The following RAB38 variants were observed in gnomAD, a reference collection of about 807,000 sequenced individuals.
The protein encoded by RAB38 is ras-related protein Rab-38.
Under a neutral mutation model 18.4 loss-of-function variants are expected in RAB38, and 15 were observed. The ratio of observed to expected loss-of-function variants is 0.82; its 90% CI spans 0.55 to 1.26. The LOEUF (loss-of-function observed/expected upper bound fraction) is 1.26, where lower values mean the gene tolerates loss of function less well. Among genes scored for constraint, RAB38 ranks in the 50% most tolerant of loss-of-function variants. RAB38 has a pLI of 0.00. For synonymous variants in RAB38, 101 were observed against 104.4 expected (o/e 0.97, Z 0.20); for missense variants, 294 against 267.4 (o/e 1.10, Z -0.69).
At chr11:88,080,675 T>A in the RAB38 span, among the ~76,000 whole-genome samples, 1 of 151,984 alleles carries the variant, frequency 6.6e-6, no homozygotes, top group Non-Finnish European at 1.5e-5. Context: ...AGTATGTTTG[T>A]GTACAGATAG....
chr11:88,157,565 T>C (rs1943141199), intron 1 of RAB38, among the ~76,000 whole-genome samples: 1 of 152,090 alleles, frequency 6.6e-6, no homozygotes, highest in South Asian at 2.1e-4. Flanking sequence ...GCACAGAACA[T>C]AGAAAGATTG....
intron 2 of RAB38, among the ~76,000 whole-genome samples, chr11:88,139,581 A>G (rs1461890069): frequency 6.6e-6 from 1 of 152,252 alleles, no homozygotes; most frequent in East Asian, 1.9e-4. Context: ...TATAGTAGGT[A>G]TTCAGAGAAT....
the RAB38 span, among the ~76,000 whole-genome samples, chr11:88,101,473 T>C: frequency 6.6e-6 from 1 of 151,868 alleles, no homozygotes; most frequent in African/African-American, 2.4e-5. Flanking sequence ...ATTTACGCTG[T>C]ATAAAAATAT....
chr11:87,912,400 C>T, the RAB38 span, among the ~76,000 whole-genome samples: 1,353 of 151,994 alleles, frequency 8.9e-3, 9 homozygotes, highest in Non-Finnish European at 0.014. Context: ...TTCAGGTCAC[C>T]TATTTCTTTT....
the RAB38 span, among the ~76,000 whole-genome samples, chr11:87,844,813 T>C: frequency 6.6e-6 from 1 of 152,150 alleles, no homozygotes; most frequent in Non-Finnish European, 1.5e-5. Flanking sequence ...CAAATATGCA[T>C]GGGACAGACC....
intron 2 of RAB38, among the ~76,000 whole-genome samples, chr11:88,114,687 A>C (rs1342986975): frequency 6.6e-6 from 1 of 152,202 alleles, no homozygotes; most frequent in Non-Finnish European, 1.5e-5. Flanking sequence ...AAAATGTGAG[A>C]AGTAATGTGT....
the RAB38 span, among the ~76,000 whole-genome samples, chr11:87,940,911 C>T: frequency 6.6e-6 from 1 of 151,900 alleles, no homozygotes; most frequent in African/African-American, 2.4e-5. Context: ...AGATTACAGG[C>T]ATAAGCCACC....
the RAB38 span, among the ~76,000 whole-genome samples, chr11:88,003,552 T>A: frequency 3.0e-4 from 18 of 60,812 alleles, no homozygotes; most frequent in South Asian, 6.9e-3. Context: ...ATATTATATA[T>A]TATATAATAG....
At chr11:87,854,206 T>C in the RAB38 span, among the ~76,000 whole-genome samples, 1 of 152,198 alleles carries the variant, frequency 6.6e-6, no homozygotes, top group African/African-American at 2.4e-5. Flanking sequence ...TGGACATCTT[T>C]AGACCACCAT....
At chr11:87,813,259 A>C in the RAB38 span, among the ~76,000 whole-genome samples, 3 of 152,202 alleles carry the variant, frequency 2.0e-5, no homozygotes, top group Admixed American at 1.3e-4. Context: ...GGTAAGGAGG[A>C]AGAAGATTCC....
chr11:88,049,625 C>T, the RAB38 span, among the ~76,000 whole-genome samples: 1 of 152,014 alleles, frequency 6.6e-6, no homozygotes, highest in African/African-American at 2.4e-5. Flanking sequence ...TTCACATGGA[C>T]GCGCGTGAAA....
At chr11:87,935,269 G>A in the RAB38 span, among the ~76,000 whole-genome samples, 1 of 152,010 alleles carries the variant, frequency 6.6e-6, no homozygotes, top group African/African-American at 2.4e-5. Context: ...ATATGCTCCT[G>A]ATCCTTTGAT....
At chr11:87,922,722 C>T in the RAB38 span, among the ~76,000 whole-genome samples, 2 of 151,542 alleles carry the variant, frequency 1.3e-5, no homozygotes. Flanking sequence ...ATGCCAACAA[C>T]TTTATACAGT....
chr11:87,908,485 G>A, the RAB38 span, among the ~76,000 whole-genome samples: 1 of 151,942 alleles, frequency 6.6e-6, no homozygotes, highest in Non-Finnish European at 1.5e-5. Context: ...TTAAATTGAT[G>A]TTCAACAGAA....
the RAB38 span, among the ~76,000 whole-genome samples, chr11:87,882,104 C>A: frequency 6.6e-6 from 1 of 151,850 alleles, no homozygotes; most frequent in East Asian, 2.0e-4. Flanking sequence ...TTAAAAATAT[C>A]CTTGGTTTTC....
intron 2 of RAB38, among the ~76,000 whole-genome samples, chr11:88,141,906 A>C (rs756771981): frequency 3.9e-5 from 6 of 152,238 alleles, no homozygotes; most frequent in Middle Eastern, 3.4e-3. Flanking sequence ...TATGGCCTCT[A>C]CAGGTTTCCT....
At chr11:88,121,462 C>T (rs558369346) in intron 2 of RAB38, among the ~76,000 whole-genome samples, 3 of 152,316 alleles carry the variant, frequency 2.0e-5, no homozygotes, top group South Asian at 2.1e-4. Context: ...ACTTTTGGCA[C>T]CTGGTTTTGC....
chr11:87,837,043 C>T, the RAB38 span, among the ~76,000 whole-genome samples: 1 of 152,162 alleles, frequency 6.6e-6, no homozygotes, highest in Non-Finnish European at 1.5e-5. Flanking sequence ...AAGTAATCCT[C>T]TTCAGTGAGC....
the RAB38 span, among the ~76,000 whole-genome samples, chr11:87,850,114 T>G: frequency 6.6e-6 from 1 of 152,144 alleles, no homozygotes; most frequent in African/African-American, 2.4e-5. Context: ...TCTTGAAAAG[T>G]TAGCACAAAG....
Sources: gnomAD v4.1 joint callset for allele counts (sites outside exome capture counted in the v4.1 genomes callset) on GRCh38, gnomAD v4.1.1 for gene constraint, MANE v1.5 for transcripts, NCBI Gene and HGNC (gene_info 2026-07-23, HGNC 2026-07-21) for gene names.